The following MPRIP variants were observed in gnomAD, a reference collection of about 807,000 sequenced individuals.
The protein encoded by MPRIP is myosin phosphatase Rho interacting protein, also known as myosin phosphatase Rho-interacting protein.
In MPRIP, 59 loss-of-function variants were observed where a neutral mutation model predicts 234.9. That is an observed-to-expected ratio of 0.25 (90% confidence interval 0.20 to 0.31). MPRIP has a LOEUF of 0.31. Among genes scored for constraint, MPRIP ranks in the 10% least tolerant of loss-of-function variants. MPRIP has a pLI of 1.00. For missense variants in MPRIP, 2,436 were observed against 3,071.0 expected (o/e 0.79, Z 4.89); for synonymous variants, 1,144 against 1,263.9 (o/e 0.91, Z 2.01).
intron 3 of MPRIP, among the ~76,000 whole-genome samples, chr17:17,125,755 C>A (rs2090479212): frequency 6.6e-6 from 1 of 152,190 alleles, no homozygotes; most frequent in Non-Finnish European, 1.5e-5. Context: ...CAACTGCAGG[C>A]CACCCCTCAG....
chr17:17,161,677 A>C (rs545672547), intron 15 of MPRIP, among the ~76,000 whole-genome samples: 2 of 152,346 alleles, frequency 1.3e-5, no homozygotes, highest in South Asian at 4.1e-4. Flanking sequence ...TGTAAATACC[A>C]TACATTTGCA....
At chr17:17,053,193 T>G (rs2088593832) in intron 1 of MPRIP, among the ~76,000 whole-genome samples, 1 of 152,024 alleles carries the variant, frequency 6.6e-6, no homozygotes, top group African/African-American at 2.4e-5. Flanking sequence ...ACTTTTCATT[T>G]CAGTGCGCCC....
At chr17:17,130,173 G>GATGCTGAGC (rs1357881998) in intron 4 of MPRIP, among the ~76,000 whole-genome samples, 1 of 152,170 alleles carries the variant, frequency 6.6e-6, no homozygotes, top group East Asian at 1.9e-4. Context: ...ATCACTGGCT[G>GATGCTGAGC]TGGGCTGAGC....
chr17:17,082,063 C>A (rs1408590753), intron 3 of MPRIP, among the ~76,000 whole-genome samples: 2 of 152,016 alleles, frequency 1.3e-5, no homozygotes, highest in African/African-American at 4.8e-5. Context: ...TAAAGTGCTG[C>A]CCATGATTTT....
At chr17:17,045,736 T>A (rs1334942742) in intron 1 of MPRIP, among the ~76,000 whole-genome samples, 1 of 152,156 alleles carries the variant, frequency 6.6e-6, no homozygotes, top group Admixed American at 6.5e-5. Context: ...TCCAGGCCCC[T>A]GTTCACAGAG....
At chr17:17,168,861 G>T (rs899696781) in intron 16 of MPRIP, 4 of 456,612 alleles carry the variant, frequency 8.8e-6, no homozygotes, top group Non-Finnish European at 1.8e-5. Context: ...GCACCATTGT[G>T]CTGCAAGCTC....
rs938686180 is a variant in MPRIP at position 17,129,651 on chromosome 17, A to G, written c.420-1966A>G. 7.2e-5 allele frequency among the ~76,000 whole-genome samples: 11 copies of G among 152,040 alleles called. 1 individual carries two copies. Among genetic ancestry groups the G allele is most frequent in the Admixed American group, 3.3e-4 (5 of 15,278 alleles). On this transcript the variant is annotated intron_variant, in intron 4 of 23. Coordinates refer to ENST00000651222, the MANE Select transcript of MPRIP (RefSeq NM_001364716.4). ...CCAGGAGAGCTCAGCAGCTCCACGTAGTCAGCAGAGCACCTGCGGTGCAGC... is the reference window on the plus strand; with the variant it reads ...CCAGGAGAGCTCAGCAGCTCCACGTGGTCAGCAGAGCACCTGCGGTGCAGC...
chr17:17,085,869 C>A (rs760546717), intron 3 of MPRIP, among the ~76,000 whole-genome samples: 1 of 152,132 alleles, frequency 6.6e-6, no homozygotes, highest in African/African-American at 2.4e-5. Flanking sequence ...GCTGAGATCA[C>A]GCCACTGCAC....
chr17:17,168,008 TGAG>T, intron 16 of MPRIP, 93 bp downstream of exon 16: 1 of 988,518 alleles, frequency 1.0e-6, no homozygotes, highest in Non-Finnish European at 1.4e-6. Flanking sequence ...CAGGCAGAAT[TGAG>T]GGGATATGCT....
At chr17:17,081,115 A>G (rs1454387729) in intron 3 of MPRIP, among the ~76,000 whole-genome samples, 2 of 152,250 alleles carry the variant, frequency 1.3e-5, no homozygotes, top group South Asian at 4.1e-4. Flanking sequence ...ATAATAAACT[A>G]TAGCATTTTA....
intron 22 of MPRIP, 25 bp downstream of exon 22, chr17:17,177,437 C>T (rs112190770): frequency 2.8e-5 from 45 of 1,604,892 alleles, no homozygotes; most frequent in African/African-American, 2.3e-4. Context: ...CATGCCCTCT[C>T]GGTTATTGCT....
chr17:17,054,663 C>CT (rs201129229), intron 1 of MPRIP, among the ~76,000 whole-genome samples: 10,256 of 146,506 alleles, frequency 0.07, 467 homozygotes, highest in East Asian at 0.17. Context: ...TGCAGGAATT[C>CT]TTTTTTTTTT....
At chr17:17,180,115 G>A in intron 23 of MPRIP, 27 bp downstream of exon 23, 1 of 1,538,532 alleles carries the variant, frequency 6.5e-7, no homozygotes, top group Non-Finnish European at 8.8e-7. Flanking sequence ...GCCCCCTGGT[G>A]GGAGGGGCTT....
intron 3 of MPRIP, among the ~76,000 whole-genome samples, chr17:17,101,543 C>A (rs550142172): frequency 6.6e-6 from 1 of 152,276 alleles, no homozygotes; most frequent in African/African-American, 2.4e-5. Flanking sequence ...GCACTCCAGC[C>A]TGGGCAACAA....
intron 1 of MPRIP, among the ~76,000 whole-genome samples, chr17:17,067,454 G>T (rs572045213): frequency 3.5e-4 from 54 of 152,306 alleles, no homozygotes; most frequent in Non-Finnish European, 5.9e-4. Flanking sequence ...GCTGGACAAA[G>T]GGGAGGCTCC....
intron 3 of MPRIP, among the ~76,000 whole-genome samples, chr17:17,086,657 C>T (rs1228753171): frequency 6.6e-6 from 1 of 152,130 alleles, no homozygotes; most frequent in Non-Finnish European, 1.5e-5. Context: ...TGCAGGTGAA[C>T]CCAGGTAGGA....
At chr17:17,168,974 T>C (rs1201274611) in intron 16 of MPRIP, 1 of 456,964 alleles carries the variant, frequency 2.2e-6, no homozygotes, top group Admixed American at 2.3e-5. Flanking sequence ...TAGCTCTGAA[T>C]GGAAACAGCA....
chr17:17,077,635 G>C (rs1260900160), intron 2 of MPRIP: 1 of 182,746 alleles, frequency 5.5e-6, no homozygotes, highest in East Asian at 1.3e-4. Context: ...TGTCATGTCA[G>C]ATCATTCATC....
chr17:17,064,107 C>T (rs1045133248), intron 1 of MPRIP, among the ~76,000 whole-genome samples: 6 of 152,052 alleles, frequency 3.9e-5, no homozygotes, highest in African/African-American at 9.7e-5. Flanking sequence ...GGCAGGCAGG[C>T]GTCACTGAAG....
Sources: allele counts gnomAD v4.1 joint callset (sites outside exome capture counted in the v4.1 genomes callset), GRCh38; gene constraint gnomAD v4.1.1; transcripts MANE v1.5; gene names NCBI Gene and HGNC (gene_info 2026-07-23, HGNC 2026-07-21).